Variants in ZNF215 observed in about 807,000 individuals in gnomAD.
ZNF215 encodes BWSCR2-associated zinc finger protein 2.
In ZNF215, 24 loss-of-function variants were observed where a neutral mutation model predicts 27.2. That is an observed-to-expected ratio of 0.88 (90% CI 0.64 to 1.24). The LOEUF (loss-of-function observed/expected upper bound fraction) is 1.24. ZNF215 is among the 50% of genes most tolerant of loss of function. ZNF215 has a pLI of 0.00. For synonymous variants in ZNF215, 210 were observed against 204.0 expected (o/e 1.03, Z -0.25); for missense variants, 675 against 605.7 (o/e 1.11, Z -1.20).
intron 3 of ZNF215, among the ~76,000 whole-genome samples, chr11:6,936,253 T>TAC (rs1180621658): frequency 6.6e-6 from 1 of 152,004 alleles, no homozygotes; most frequent in African/African-American, 2.4e-5. Context: ...AAGGTTTAGC[T>TAC]ACACTGATCA....
At chr11:6,959,717 A>G (rs560274937), downstream of ZNF215, among the ~76,000 whole-genome samples, 8 of 152,202 alleles carry the variant, frequency 5.3e-5, no homozygotes, top group African/African-American at 9.6e-5. Flanking sequence ...CAGATATTCA[A>G]TGGGGAGGAT....
downstream of ZNF215, among the ~76,000 whole-genome samples, chr11:6,961,434 A>G (rs759526759): frequency 1.3e-5 from 2 of 152,256 alleles, no homozygotes; most frequent in South Asian, 2.1e-4. Context: ...GATAAGGAGT[A>G]CCATTTCATT....
chr11:6,989,150 CAAAAAAAA>C (rs71056776), downstream of ZNF215, among the ~76,000 whole-genome samples: 47 of 76,762 alleles, frequency 6.1e-4, 1 homozygote, highest in East Asian at 2.9e-3. Flanking sequence ...AGATCCGTCT[CAAAAAAAA>C]AAAAAAAAAA....
In ZNF215 at chr11:6,982,830, A is replaced by C. The variant is rs866559161; in HGVS notation, c.806-1299A>C. Among the ~76,000 whole-genome samples, 506 of 152,166 alleles carry C rather than the reference A, an allele frequency of 3.3e-3. 3 individuals carry two copies. Among genetic ancestry groups the C allele is most frequent in the African/African-American group, 0.011 (471 of 41,478 alleles). The stretch of plus-strand genomic sequence containing the variant: ...GGAAAGATCCAAAATTGACACCCTA[A>C]CATCACAATTAAAAGAACTAGAAAA... On this transcript the variant is annotated intron_variant, in intron 5 of 5. Coordinates refer to the ZNF215 transcript ENST00000529903.
At chr11:6,954,722 G>A (rs908243497) in intron 6 of ZNF215, among the ~76,000 whole-genome samples, 8 of 152,084 alleles carry the variant, frequency 5.3e-5, no homozygotes, top group Admixed American at 3.3e-4. Flanking sequence ...TTCGGCTTGC[G>A]CAGGGTGCAC....
At chr11:6,982,727 A>G (rs977997659) in intron 5 of ZNF215, among the ~76,000 whole-genome samples, 2 of 152,032 alleles carry the variant, frequency 1.3e-5, no homozygotes, top group African/African-American at 2.4e-5. Context: ...AAGACACAAC[A>G]TACCAGAATC....
chr11:6,993,781 C>T (rs117453383), downstream of ZNF215, among the ~76,000 whole-genome samples: 193 of 152,312 alleles, frequency 1.3e-3, 4 homozygotes, highest in East Asian at 0.031. Context: ...CACCTACTCA[C>T]TACAATTTAT....
In ZNF215 at chr11:6,943,546, C is replaced by G. The variant is rs1211919074; in HGVS notation, c.617C>G (p.Ala206Gly). The G allele has an allele frequency of 6.2e-7, 1 of 1,612,570 alleles. No individual in the cohort carries two copies. Among genetic ancestry groups the G allele is most frequent in the Non-Finnish European group, 8.5e-7 (1 of 1,179,150 alleles). ...TTCTTTTTATTTTCTCCATGAACAGCACATCTACTTTCCAAACCATTTGAG... is the reference window on the plus strand; with the variant it reads ...TTCTTTTTATTTTCTCCATGAACAGGACATCTACTTTCCAAACCATTTGAG... Reference protein sequence around the residue: ...NFRNLNSLRKAHLLSKPFESL... With the variant: ...NFRNLNSLRKGHLLSKPFESL... Residue 206 changes from alanine to glycine, a missense_variant and splice_region_variant, in exon 6 of 7, where the codon GCA becomes GGA. Ala to Gly is a moderately conservative substitution (Grantham distance 60, BLOSUM62 0). Coordinates refer to ENST00000278319, the MANE Select transcript of ZNF215 (RefSeq NM_013250.4).
At chr11:6,927,369 G>T (rs968797625) in intron 1 of ZNF215, among the ~76,000 whole-genome samples, 3 of 152,134 alleles carry the variant, frequency 2.0e-5, no homozygotes, top group Admixed American at 2.0e-4. Flanking sequence ...TCGCCAGGTG[G>T]TTCTTACCTC....
At chr11:6,987,532 A>T (rs1325115615), downstream of ZNF215, among the ~76,000 whole-genome samples, 2 of 152,208 alleles carry the variant, frequency 1.3e-5, no homozygotes, top group Non-Finnish European at 2.9e-5. Flanking sequence ...ATAAAAGTTG[A>T]AAAAAGAAAA....
At chr11:6,985,266 T>A (rs2133360896), downstream of ZNF215, among the ~76,000 whole-genome samples, 1 of 152,302 alleles carries the variant, frequency 6.6e-6, no homozygotes, top group Middle Eastern at 3.4e-3. Flanking sequence ...ATAAATGTGA[T>A]TCATCACAAA....
At chr11:6,970,218 C>T (rs1451612447) in intron 5 of ZNF215, among the ~76,000 whole-genome samples, 1 of 152,144 alleles carries the variant, frequency 6.6e-6, no homozygotes, top group African/African-American at 2.4e-5. Context: ...ATGCTGATAA[C>T]ACTACAAAAT....
At position 6,932,091 on chromosome 11, in the gene ZNF215, C is replaced by T; in HGVS notation, c.-179-3C>T. The T allele has an allele frequency of 1.7e-6, 1 of 600,508 alleles. No homozygotes were observed. Among genetic ancestry groups the T allele is most frequent in the Non-Finnish European group, 2.7e-6 (1 of 365,416 alleles). 37.2% of individuals were successfully genotyped at this position (600,508 alleles called of 1,614,324 possible). Reference sequence around the variant, plus strand: ...CTGTGGGTTAATTTCTATCTTTTTTCAGTTGCTCAGGTACCTGAATATTGG... The same window carrying T: ...CTGTGGGTTAATTTCTATCTTTTTTTAGTTGCTCAGGTACCTGAATATTGG... On this transcript the variant is annotated splice_polypyrimidine_tract_variant and splice_region_variant and intron_variant, in intron 2 of 6. Transcript: ENST00000278319.
rs369129661 is a variant in ZNF215 at position 6,970,777 on chromosome 11, A to G, written c.806-13352A>G. ...TGTCAGTGTGCAGATACCTACTACA[A>G]CATATGCTCTGCTTCTTACTGAGCA... On this transcript the variant is annotated intron_variant, in intron 5 of 5. Coordinates refer to the ZNF215 transcript ENST00000529903. 1.7e-3 allele frequency among the ~76,000 whole-genome samples: 260 copies of G among 152,250 alleles called. 2 individuals carry two copies. The highest frequency in any genetic ancestry group is 6.0e-3 in the African/African-American group (251 of 41,538).
At chr11:6,929,464 T>C (rs1271918320) in intron 2 of ZNF215, among the ~76,000 whole-genome samples, 1 of 152,224 alleles carries the variant, frequency 6.6e-6, no homozygotes, top group Non-Finnish European at 1.5e-5. Flanking sequence ...CACATTACAT[T>C]CTGTTGTCAT....
At chr11:6,963,211 T>C (rs1254697423) in intron 5 of ZNF215, among the ~76,000 whole-genome samples, 1 of 152,030 alleles carries the variant, frequency 6.6e-6, no homozygotes, top group Non-Finnish European at 1.5e-5. Flanking sequence ...TATTCTTTTA[T>C]AGTCAAGCTG....
chr11:6,928,771 A>G (rs574027553), intron 2 of ZNF215, among the ~76,000 whole-genome samples: 43 of 152,086 alleles, frequency 2.8e-4, no homozygotes, highest in African/African-American at 9.9e-4. Context: ...ATCTGGGCCC[A>G]TAGTTCATTT....
Position 6,957,660 on chromosome 11 carries a change from G to T in ZNF215, c.*1129G>T, listed in dbSNP as rs1414167374. 1.4e-6 allele frequency: 1 copy of T among 740,030 alleles called. No homozygotes were observed. The highest frequency in any genetic ancestry group is 1.6e-6 in the Non-Finnish European group (1 of 606,606). The allele number at this position is 740,030 out of a possible 1,614,324, so 45.8% of individuals were successfully genotyped here. A position where few individuals can be genotyped will look rare whatever the true frequency, so the allele number is the denominator to read the frequency against. On this transcript the variant is annotated 3_prime_UTR_variant, in exon 7 of 7. Coordinates refer to ENST00000278319, the MANE Select transcript of ZNF215 (RefSeq NM_013250.4). ...CTCTTGTTTGTATCCATTAGTCTATGGTAAAATTGGTTTTGTTATACATCA... is the reference window on the plus strand; with the variant it reads ...CTCTTGTTTGTATCCATTAGTCTATTGTAAAATTGGTTTTGTTATACATCA...
chr11:6,950,594 C>T (rs1377448371), intron 6 of ZNF215, among the ~76,000 whole-genome samples: 1 of 151,194 alleles, frequency 6.6e-6, no homozygotes, highest in Non-Finnish European at 1.5e-5. Flanking sequence ...TATCCTGAGA[C>T]TTTGCTGAAG....
Sources: allele counts gnomAD v4.1 joint callset (sites outside exome capture counted in the v4.1 genomes callset), GRCh38; gene constraint gnomAD v4.1.1; transcripts MANE v1.5; gene names NCBI Gene and HGNC (gene_info 2026-07-23, HGNC 2026-07-21).